The following TFEC variants were observed in gnomAD, a reference collection of about 807,000 sequenced individuals.
TFEC encodes transcription factor EC.
Under a neutral mutation model 41.6 loss-of-function variants are expected in TFEC, and 31 were observed. The ratio of observed to expected loss-of-function variants is 0.74; its 90% CI spans 0.56 to 1.01. TFEC has a LOEUF of 1.01. TFEC is among the 50% of genes least tolerant of loss of function. TFEC has a pLI of 0.00. For missense variants in TFEC, 402 were observed against 404.1 expected (o/e 0.99, Z 0.04); for synonymous variants, 143 against 140.6 (o/e 1.02, Z -0.12).
intron 1 of TFEC, among the ~76,000 whole-genome samples, chr7:116,016,392 C>T (rs1345726798): frequency 4.6e-4 from 70 of 152,118 alleles, no homozygotes; most frequent in Non-Finnish European, 2.9e-5. Flanking sequence ...CTCATCAGTG[C>T]TCATGGTTTT....
intron 3 of TFEC, among the ~76,000 whole-genome samples, chr7:115,966,615 C>T (rs766851777): frequency 8.6e-5 from 13 of 151,718 alleles, no homozygotes; most frequent in Non-Finnish European, 1.3e-4. Context: ...AAGTAGAGAG[C>T]TTGGATTCAA....
In TFEC at chr7:115,937,191, TCTTA is replaced by T. The variant is rs1166502231; in HGVS notation, c.*3356_*3359del. Reference sequence around the variant, plus strand: ...AATGAAAAACAATAAAATTATTGTATCTTACTTTAAAGGAAGTTTTATTATAATT... The same window carrying T: ...AATGAAAAACAATAAAATTATTGTATCTTTAAAGGAAGTTTTATTATAATT... On this transcript the variant is annotated 3_prime_UTR_variant, in exon 8 of 8. Coordinates refer to ENST00000265440, the MANE Select transcript of TFEC (RefSeq NM_012252.4). 6.6e-6 allele frequency: 1 copy of T among 151,666 alleles called. No homozygotes were observed. Among genetic ancestry groups the T allele is most frequent in the Non-Finnish European group, 1.5e-5 (1 of 67,700 alleles). 9.4% of individuals were successfully genotyped at this position (151,666 alleles called of 1,614,324 possible). A position where few individuals can be genotyped will look rare whatever the true frequency, so the allele number is the denominator to read the frequency against.
At chr7:116,061,777 GA>G (rs977529759) in intron 3 of TFEC, among the ~76,000 whole-genome samples, 1 of 151,978 alleles carries the variant, frequency 6.6e-6, no homozygotes, top group Admixed American at 6.6e-5. Context: ...ATAAGAAAGA[GA>G]AAAAACTCTT....
chr7:116,067,597 T>G (rs1345417985), intron 3 of TFEC, among the ~76,000 whole-genome samples: 1 of 152,074 alleles, frequency 6.6e-6, no homozygotes, highest in Non-Finnish European at 1.5e-5. Context: ...CTGTGTCTAC[T>G]GCTTTGAATA....
At chr7:116,128,772 T>C (rs1051676943) in intron 1 of TFEC, among the ~76,000 whole-genome samples, 36 of 152,078 alleles carry the variant, frequency 2.4e-4, no homozygotes, top group African/African-American at 8.0e-4. Flanking sequence ...TTCTGGGTGG[T>C]AAAAGCAAAA....
At chr7:116,127,103 G>T (rs1339044196) in intron 1 of TFEC, among the ~76,000 whole-genome samples, 1 of 148,790 alleles carries the variant, frequency 6.7e-6, no homozygotes, top group Non-Finnish European at 1.5e-5. Context: ...TTTGTTTTTT[G>T]TTTTTTGTTT....
At position 116,062,813 on chromosome 7, in the gene TFEC, G is replaced by T. The variant is rs139965918; in HGVS notation, c.198+47895C>A. Among the ~76,000 whole-genome samples, 116 of 151,992 alleles carry T rather than the reference G, an allele frequency of 7.6e-4. No individual in the cohort carries two copies. The Middle Eastern group carries it at 0.017, about 22-fold the overall frequency. ...AATCTCCACACTGTTTTCCATAGTGGTTGTAATAGTTTACATTACCAGACT... is the reference window on the plus strand; with the variant it reads ...AATCTCCACACTGTTTTCCATAGTGTTTGTAATAGTTTACATTACCAGACT... On this transcript the variant is annotated intron_variant, in intron 3 of 8. Transcript: ENST00000484212.
chr7:116,075,908 G>C (rs146121772), intron 3 of TFEC, among the ~76,000 whole-genome samples: 1 of 152,112 alleles, frequency 6.6e-6, no homozygotes, highest in Non-Finnish European at 1.5e-5. Flanking sequence ...CATCCTCCCT[G>C]TAACACCACA....
chr7:116,110,774 T>C (rs1255466196), exon 3 of TFEC: 1 of 1,547,002 alleles, frequency 6.5e-7, no homozygotes, highest in Non-Finnish European at 8.7e-7. Flanking sequence ...TATGCAACAC[T>C]GGTTTGTATG....
chr7:116,151,607 T>C (rs1464100557), intron 1 of TFEC, among the ~76,000 whole-genome samples: 1 of 152,144 alleles, frequency 6.6e-6, no homozygotes, highest in Non-Finnish European at 1.5e-5. Flanking sequence ...GTTTGTTTTT[T>C]GGTTTTGGTT....
intron 1 of TFEC, among the ~76,000 whole-genome samples, chr7:116,113,692 T>C (rs1199827455): frequency 6.6e-6 from 1 of 152,038 alleles, no homozygotes; most frequent in East Asian, 1.9e-4. Context: ...CGTTCACTGA[T>C]AAAATAAATC....
At chr7:116,019,743 T>C (rs1270468498) in intron 1 of TFEC, among the ~76,000 whole-genome samples, 1 of 152,174 alleles carries the variant, frequency 6.6e-6, no homozygotes, top group Non-Finnish European at 1.5e-5. Flanking sequence ...ATTTTGCTAT[T>C]TACAGAGCAC....
intron 3 of TFEC, among the ~76,000 whole-genome samples, chr7:116,096,303 T>C (rs1015487492): frequency 5.3e-5 from 8 of 152,220 alleles, no homozygotes; most frequent in Non-Finnish European, 1.2e-4. Context: ...TGCTTCACTT[T>C]TGTATTGCTA....
At chr7:116,043,063 AAG>A (rs1796078185) in intron 3 of TFEC, among the ~76,000 whole-genome samples, 1 of 152,166 alleles carries the variant, frequency 6.6e-6, no homozygotes, top group Non-Finnish European at 1.5e-5. Flanking sequence ...TGGGAGTAGA[AAG>A]AGAGGTACTA....
At chr7:115,961,495 TA>T (rs35435768) in intron 3 of TFEC, among the ~76,000 whole-genome samples, 2 of 151,272 alleles carry the variant, frequency 1.3e-5, no homozygotes, top group Admixed American at 6.6e-5. Context: ...ATCATTCTTT[TA>T]AAAAAAGGGG....
intron 3 of TFEC, among the ~76,000 whole-genome samples, chr7:116,095,573 C>T (rs944056924): frequency 6.6e-5 from 10 of 152,172 alleles, no homozygotes; most frequent in Non-Finnish European, 5.9e-5. Context: ...CTGAAACTAT[C>T]GTCAGTTCCC....
intron 1 of TFEC, among the ~76,000 whole-genome samples, chr7:116,121,944 T>C (rs1380434508): frequency 6.6e-6 from 1 of 152,150 alleles, no homozygotes; most frequent in East Asian, 1.9e-4. Context: ...CCTTCCTTTC[T>C]TCTACTAAAG....
chr7:116,049,985 T>G (rs997093917), intron 3 of TFEC, among the ~76,000 whole-genome samples: 7 of 152,158 alleles, frequency 4.6e-5, no homozygotes, highest in Non-Finnish European at 7.4e-5. Flanking sequence ...AAGCAGTGTG[T>G]AGAGGGAAAT....
At chr7:116,121,869 C>G (rs17138327) in intron 1 of TFEC, among the ~76,000 whole-genome samples, 51,887 of 151,756 alleles carry the variant, frequency 0.34, 9,127 homozygotes, top group East Asian at 0.58. Flanking sequence ...GGAAAAAGCA[C>G]TCAAGAATAA....
Sources: allele counts gnomAD v4.1 joint callset (sites outside exome capture counted in the v4.1 genomes callset), GRCh38; gene constraint gnomAD v4.1.1; transcripts MANE v1.5; gene names NCBI Gene and HGNC (gene_info 2026-07-23, HGNC 2026-07-21).